The following N4BP1 variants were observed in gnomAD, a reference collection of about 807,000 sequenced individuals.
N4BP1 encodes NEDD4-binding protein 1.
Under a neutral mutation model 70.9 loss-of-function variants are expected in N4BP1, and 21 were observed. The ratio of observed to expected loss-of-function variants is 0.30; its 90% CI spans 0.21 to 0.43. N4BP1 has a LOEUF of 0.43. Ranked by LOEUF, N4BP1 falls within the 20% of genes least tolerant of loss-of-function variation. The probability of loss-of-function intolerance (pLI) is 1.00; values close to 1 mark genes in which losing one functional copy is unlikely to be tolerated. For synonymous variants in N4BP1, 387 were observed against 394.6 expected (o/e 0.98, Z 0.23); for missense variants, 936 against 1,069.4 (o/e 0.88, Z 1.74).
Position 48,604,865 on chromosome 16 carries a change from T to C in N4BP1, c.198+4910A>G, listed in dbSNP as rs959036851. Among the ~76,000 whole-genome samples, 7 of 152,280 alleles carry C rather than the reference T, an allele frequency of 4.6e-5. No homozygotes were observed. In the East Asian group the frequency reaches 9.6e-4, roughly 21 times the overall value. On this transcript the variant is annotated intron_variant, in intron 1 of 6. Transcript: ENST00000262384. The stretch of plus-strand genomic sequence containing the variant: ...GACTGGACATCACTGAGCCCTACCA[T>C]GTAACTGACTAATGCGATACGCATG...
At chr16:48,607,324 C>T (rs1394953788) in intron 1 of N4BP1, among the ~76,000 whole-genome samples, 1 of 152,150 alleles carries the variant, frequency 6.6e-6, no homozygotes, top group African/African-American at 2.4e-5. Context: ...AAAAGCAGAA[C>T]CCAGAGGAGG....
intron 1 of N4BP1, among the ~76,000 whole-genome samples, chr16:48,596,233 G>C (rs1471329656): frequency 5.3e-5 from 8 of 152,030 alleles, no homozygotes; most frequent in African/African-American, 1.9e-4. Context: ...TTAGATTTTG[G>C]TGAGCCACAA....
intron 1 of N4BP1, 79 bp downstream of exon 1, chr16:48,609,696 C>CG: frequency 8.6e-7 from 1 of 1,164,098 alleles, no homozygotes; most frequent in Non-Finnish European, 1.1e-6. Context: ...CGGCGGACGG[C>CG]GGGGGCGGGG....
intron 1 of N4BP1, 89 bp from the exon 2 acceptor site, chr16:48,562,533 G>A (rs982971953): frequency 2.9e-6 from 3 of 1,040,684 alleles, no homozygotes; most frequent in Non-Finnish European, 4.0e-6. Flanking sequence ...ATGTCAGGCC[G>A]ATTTTATAAA....
chr16:48,573,449 C>T (rs1400972466), intron 1 of N4BP1, among the ~76,000 whole-genome samples: 2 of 151,980 alleles, frequency 1.3e-5, no homozygotes, highest in Non-Finnish European at 2.9e-5. Flanking sequence ...AAAAATTAGT[C>T]GGGCATTGTG....
intron 1 of N4BP1, among the ~76,000 whole-genome samples, chr16:48,603,938 C>A (rs1240552284): frequency 6.6e-6 from 1 of 152,208 alleles, no homozygotes; most frequent in African/African-American, 2.4e-5. Flanking sequence ...CTAAGCCCCA[C>A]TGTGCCTTGC....
Position 48,561,744 on chromosome 16 carries a change from G to T in N4BP1, c.899C>A (p.Ser300Tyr). The T allele has an allele frequency of 6.2e-7, 1 of 1,612,232 alleles. No homozygotes were observed. The highest frequency in any genetic ancestry group is 8.5e-7 in the Non-Finnish European group (1 of 1,179,846). Residue 300 changes from serine (S) to tyrosine (Y), a missense_variant, in exon 2 of 7, where the codon TCT becomes TAT. Physicochemically the swap from Ser to Tyr is moderately radical, Grantham distance 144. Coordinates refer to ENST00000262384, the MANE Select transcript of N4BP1 (RefSeq NM_153029.4). Reference protein sequence around the residue: ...SEERHTKKQFSLENVQEGEIL... With the variant: ...SEERHTKKQFYLENVQEGEIL... ...CTCCCCCTCCTGAACATTTTCCAAA[G>T]AAAACTGCTTCTTCGTATGCCTTTC...
At chr16:48,590,584 G>A (rs927458120) in intron 1 of N4BP1, among the ~76,000 whole-genome samples, 8 of 152,176 alleles carry the variant, frequency 5.3e-5, no homozygotes, top group East Asian at 1.9e-4. Context: ...CAGCCCAAGC[G>A]GCTGCCTAGT....
chr16:48,566,022 G>C (rs544552509), intron 1 of N4BP1, among the ~76,000 whole-genome samples: 1 of 152,128 alleles, frequency 6.6e-6, no homozygotes, highest in Middle Eastern at 3.4e-3. Context: ...GTGTTGCTAA[G>C]AGACTTGTTG....
rs1322082763 is a variant in N4BP1, at chr16:48,600,949, G to A, written c.198+8826C>T. On this transcript the variant is annotated intron_variant, in intron 1 of 6. Coordinates refer to ENST00000262384, the MANE Select transcript of N4BP1 (RefSeq NM_153029.4). ...GCACTAGGTGGCATTTGTATAATAA[G>A]TAATGGCAAAAAATCATGGCTAGTG... Among the ~76,000 whole-genome samples the A allele has an allele frequency of 5.9e-5, 9 of 152,134 alleles. No homozygotes were observed. The South Asian group carries it at 1.0e-3, about 17-fold the overall frequency.
At chr16:48,558,286 A>T (rs1963786543) in intron 2 of N4BP1, among the ~76,000 whole-genome samples, 1 of 138,488 alleles carries the variant, frequency 7.2e-6, no homozygotes, top group African/African-American at 3.0e-5. Flanking sequence ...CAAAACAATC[A>T]GTTTTCCAAA....
At chr16:48,548,837 C>CAA (rs34869645) in intron 4 of N4BP1, among the ~76,000 whole-genome samples, 761 of 71,678 alleles carry the variant, frequency 0.011, 10 homozygotes, top group African/African-American at 0.03. Flanking sequence ...GAGACTGCTT[C>CAA]AAAAAAAAAA....
chr16:48,589,163 A>C (rs1964294103), intron 1 of N4BP1, among the ~76,000 whole-genome samples: 1 of 152,170 alleles, frequency 6.6e-6, no homozygotes. Context: ...ATACTGTGAA[A>C]TATGTATTTC....
In N4BP1 at chr16:48,561,010, G is replaced by A. The variant is rs368563685; in HGVS notation, c.1633C>T (p.Arg545Cys). ...TGAGGAGAACTACAACATCCTAAAC[G>A]TTTTTCACAGGCAGATTTCATATTA... ...PNNMKSACEK[R>C]LGCCSSPHSK... is the part of the protein sequence containing the mutation. Residue 545 changes from arginine (R) to cysteine (C), a missense_variant, in exon 2 of 7, where the codon CGT (arginine) becomes TGT (cysteine). By Grantham distance (180) the Arg-to-Cys change is radical. Transcript: ENST00000262384. The A allele has an allele frequency of 2.5e-6, 4 of 1,613,954 alleles. No individual in the cohort carries two copies. Among genetic ancestry groups the A allele is most frequent in the East Asian group, 2.2e-5 (1 of 44,894 alleles).
intron 1 of N4BP1, among the ~76,000 whole-genome samples, chr16:48,583,526 G>C (rs1042622634): frequency 1.3e-5 from 2 of 152,176 alleles, no homozygotes; most frequent in Non-Finnish European, 2.9e-5. Flanking sequence ...TTGTGGTCAT[G>C]AAAAATACTA....
At chr16:48,576,395 T>C (rs540341236) in intron 1 of N4BP1, among the ~76,000 whole-genome samples, 97 of 152,274 alleles carry the variant, frequency 6.4e-4, no homozygotes, top group Non-Finnish European at 1.2e-3. Flanking sequence ...ATCTGCCCCA[T>C]AGGAAAGGAC....
At chr16:48,560,673 A>G in intron 2 of N4BP1, 81 bp downstream of exon 2, 1 of 1,492,064 alleles carries the variant, frequency 6.7e-7, no homozygotes, top group Non-Finnish European at 9.0e-7. Flanking sequence ...ACATGTATGT[A>G]TAGTTCCCAT....
chr16:48,603,624 C>T (rs913640822), intron 1 of N4BP1: 2 of 152,230 alleles, frequency 1.3e-5, no homozygotes, highest in African/African-American at 4.8e-5. Flanking sequence ...TCTACTTTCT[C>T]ACTTCTCTAA....
At chr16:48,580,324 A>G (rs181873719) in intron 1 of N4BP1, among the ~76,000 whole-genome samples, 3 of 152,272 alleles carry the variant, frequency 2.0e-5, no homozygotes, top group East Asian at 1.9e-4. Context: ...AACAAATTGG[A>G]TAACTCAGAA....
Sources: gnomAD v4.1 joint callset for allele counts (sites outside exome capture counted in the v4.1 genomes callset) on GRCh38, gnomAD v4.1.1 for gene constraint, MANE v1.5 for transcripts, NCBI Gene and HGNC (gene_info 2026-07-23, HGNC 2026-07-21) for gene names.